Variants in CAB39L observed in about 807,000 individuals in gnomAD.
CAB39L encodes the protein calcium binding protein 39 like.
In CAB39L, 23 loss-of-function variants were observed where a neutral mutation model predicts 39.1. The observed-to-expected ratio is 0.59, with a 90% CI of 0.42 to 0.83. The LOEUF (loss-of-function observed/expected upper bound fraction) is 0.83, where lower values mean the gene tolerates loss of function less well. CAB39L is among the 40% of genes least tolerant of loss of function. The pLI is 0.00. For missense variants in CAB39L, 366 were observed against 391.9 expected (o/e 0.93, Z 0.56); for synonymous variants, 126 against 137.2 (o/e 0.92, Z 0.57).
intron 3 of CAB39L, among the ~76,000 whole-genome samples, chr13:49,424,382 C>T (rs530715201): frequency 2.0e-5 from 3 of 152,320 alleles, no homozygotes; most frequent in African/African-American, 7.2e-5. Context: ...TTACAAAGCA[C>T]TTAACCAACA....
intron 9 of CAB39L, among the ~76,000 whole-genome samples, 189 bp from the exon 10 acceptor site, chr13:49,332,279 A>C (rs1373867412): frequency 6.6e-6 from 1 of 152,252 alleles, no homozygotes; most frequent in Non-Finnish European, 1.5e-5. Context: ...ATTTTTTCAC[A>C]CTGCTTTGCT....
intron 1 of CAB39L, among the ~76,000 whole-genome samples, chr13:49,438,279 C>T (rs189984358): frequency 6.6e-6 from 1 of 152,164 alleles, no homozygotes; most frequent in Admixed American, 6.5e-5. Context: ...TCCTCTTTTC[C>T]TCCCATTTTT....
intron 10 of CAB39L, among the ~76,000 whole-genome samples, chr13:49,331,593 C>T (rs189924104): frequency 3.9e-5 from 6 of 152,206 alleles, no homozygotes; most frequent in East Asian, 1.9e-4. Flanking sequence ...GTCTTCAGGG[C>T]GTCATTTAAA....
intron 1 of CAB39L, among the ~76,000 whole-genome samples, chr13:49,442,772 C>T (rs1390174633): frequency 1.8e-5 from 2 of 113,034 alleles, no homozygotes; most frequent in Non-Finnish European, 3.3e-5. Flanking sequence ...GCATAGGCGA[C>T]AAGAGACTCC....
At chr13:49,405,404 C>T (rs778935689) in intron 3 of CAB39L, among the ~76,000 whole-genome samples, 30 of 152,196 alleles carry the variant, frequency 2.0e-4, no homozygotes, top group Admixed American at 4.6e-4. Context: ...TTCATCAACC[C>T]AGACCTGTCC....
At chr13:49,360,226 A>G (rs1403290009) in intron 5 of CAB39L, among the ~76,000 whole-genome samples, 1 of 152,274 alleles carries the variant, frequency 6.6e-6, no homozygotes, top group Non-Finnish European at 1.5e-5. Context: ...GAAGAAGAAA[A>G]TAAGATTTTA....
chr13:49,333,428 G>A (rs1383710384), intron 9 of CAB39L, among the ~76,000 whole-genome samples: 1 of 151,982 alleles, frequency 6.6e-6, no homozygotes, highest in Non-Finnish European at 1.5e-5. Context: ...TGTATACTTG[G>A]ATCTGCTATC....
chr13:49,339,597 A>C, intron 9 of CAB39L, 80 bp downstream of exon 9: 1 of 1,323,306 alleles, frequency 7.6e-7, no homozygotes, highest in East Asian at 2.8e-5. Context: ...TTCTGTGTTT[A>C]CTCATATACT....
At chr13:49,416,212 C>T (rs969717213) in intron 3 of CAB39L, among the ~76,000 whole-genome samples, 2 of 152,206 alleles carry the variant, frequency 1.3e-5, no homozygotes, top group African/African-American at 4.8e-5. Context: ...ACATGTCACT[C>T]TGTTACTGGC....
At chr13:49,362,720 G>A (rs1023079033) in intron 5 of CAB39L, among the ~76,000 whole-genome samples, 5 of 151,796 alleles carry the variant, frequency 3.3e-5, no homozygotes, top group African/African-American at 9.7e-5. Context: ...CAAACCTAGA[G>A]AAAGATATGA....
chr13:49,423,149 T>C (rs1275435049), intron 3 of CAB39L, among the ~76,000 whole-genome samples: 1 of 152,206 alleles, frequency 6.6e-6, no homozygotes, highest in Non-Finnish European at 1.5e-5. Context: ...CTATCATTAG[T>C]ATCATCAGGA....
intron 3 of CAB39L, among the ~76,000 whole-genome samples, chr13:49,426,520 G>A (rs972881382): frequency 4.6e-5 from 7 of 152,060 alleles, no homozygotes; most frequent in Non-Finnish European, 4.4e-5. Context: ...TCCGCCTCCC[G>A]GGTTCAAGCC....
chr13:49,406,333 A>AATTTTTTTTTTT (rs1555264228), intron 3 of CAB39L, among the ~76,000 whole-genome samples: 13 of 90,608 alleles, frequency 1.4e-4, no homozygotes, highest in African/African-American at 1.8e-4. Context: ...ATGCCCAGCT[A>AATTTTTTTTTTT]TTTTTTTTTT....
At chr13:49,436,238 C>T (rs771585338) in intron 1 of CAB39L, among the ~76,000 whole-genome samples, 25 of 152,300 alleles carry the variant, frequency 1.6e-4, no homozygotes, top group Non-Finnish European at 3.5e-4. Flanking sequence ...TAGGACATGA[C>T]TTGGAACTGA....
intron 3 of CAB39L, among the ~76,000 whole-genome samples, chr13:49,389,757 C>G (rs1956447695): frequency 1.3e-5 from 2 of 152,200 alleles, no homozygotes; most frequent in Admixed American, 1.3e-4. Context: ...TTTATACTTT[C>G]ACAGCTGTGT....
intron 10 of CAB39L, among the ~76,000 whole-genome samples, chr13:49,322,389 A>G (rs1475264): frequency 1 from 151,788 of 152,350 alleles, 75,616 homozygotes; most frequent in Middle Eastern, 1. Flanking sequence ...GTATGTCCTT[A>G]TAAAGTGTTT....
At chr13:49,423,781 A>G (rs1957206612) in intron 3 of CAB39L, among the ~76,000 whole-genome samples, 1 of 152,232 alleles carries the variant, frequency 6.6e-6, no homozygotes, top group Non-Finnish European at 1.5e-5. Context: ...ACAAACATAA[A>G]TAAGCATTAA....
intron 6 of CAB39L, among the ~76,000 whole-genome samples, chr13:49,357,658 G>A (rs780824294): frequency 2.0e-5 from 3 of 152,012 alleles, no homozygotes; most frequent in Non-Finnish European, 4.4e-5. Flanking sequence ...TTTCAAATAC[G>A]CATTCTCTTC....
chr13:49,377,864 T>C, intron 4 of CAB39L, among the ~76,000 whole-genome samples: 1 of 83,246 alleles, frequency 1.2e-5, no homozygotes, highest in Non-Finnish European at 2.4e-5. Flanking sequence ...GTCTGGAAAG[T>C]GAGGAGCGTC....
Sources: allele counts gnomAD v4.1 joint callset (sites outside exome capture counted in the v4.1 genomes callset), GRCh38; gene constraint gnomAD v4.1.1; transcripts MANE v1.5; gene names NCBI Gene and HGNC (gene_info 2026-07-23, HGNC 2026-07-21).